The following LGR6 variants were observed in gnomAD, a reference collection of about 807,000 sequenced individuals.
LGR6 encodes the protein leucine rich repeat containing G protein-coupled receptor 6, also known as leucine-rich repeat-containing G protein-coupled receptor 6.
A neutral mutation model predicts 69.4 loss-of-function variants in LGR6; 45 were observed. The ratio of observed to expected loss-of-function variants is 0.65; its 90% CI spans 0.51 to 0.83. The LOEUF is 0.83. LGR6 is among the 40% of genes least tolerant of loss of function. The pLI is 0.00. For missense variants in LGR6, 1,108 were observed against 1,246.7 expected (o/e 0.89, Z 1.68); for synonymous variants, 538 against 555.0 (o/e 0.97, Z 0.43).
At chr1:202,194,670 G>A (rs541725418) in intron 1 of LGR6, 169 of 435,786 alleles carry the variant, frequency 3.9e-4, no homozygotes, top group South Asian at 2.8e-3. Context: ...GGACAACAGG[G>A]CTGTCACACT....
chr1:202,319,312 A>T lies in LGR6; in HGVS notation c.*105A>T. ...AATACAACCAAAACTCAGCAGTGTG[A>T]TCTATAGCAGGATGGCCCAGTCCCT... On this transcript the variant is annotated 3_prime_UTR_variant, in exon 18 of 18. Transcript: ENST00000367278. The T allele has an allele frequency of 1.6e-6, 2 of 1,279,730 alleles. No individual in the cohort carries two copies. Among genetic ancestry groups the T allele is most frequent in the South Asian group, 1.6e-5 (1 of 64,430 alleles). The allele number at this position is 1,279,730 out of a possible 1,614,324, so 79.3% of individuals were successfully genotyped here.
intron 1 of LGR6, among the ~76,000 whole-genome samples, chr1:202,221,595 T>C (rs1269852808): frequency 6.6e-6 from 1 of 152,128 alleles, no homozygotes; most frequent in African/African-American, 2.4e-5. Context: ...GGAAGAAGGC[T>C]TCAGGATGGA....
chr1:202,202,679 C>T (rs374407715), intron 1 of LGR6, among the ~76,000 whole-genome samples: 4 of 152,236 alleles, frequency 2.6e-5, no homozygotes, highest in African/African-American at 9.6e-5. Flanking sequence ...TCTATCTAGT[C>T]TCCCCTTGAG....
At chr1:202,225,339 C>A in intron 1 of LGR6, 84 bp from the exon 2 acceptor site, 1 of 1,276,886 alleles carries the variant, frequency 7.8e-7, no homozygotes, top group Non-Finnish European at 1.1e-6. Flanking sequence ...CTCGGAGGTC[C>A]CTCGAGGGGG....
chr1:202,287,185 A>G (rs540610086), intron 6 of LGR6, among the ~76,000 whole-genome samples: 2 of 152,264 alleles, frequency 1.3e-5, no homozygotes, highest in East Asian at 1.9e-4. Context: ...CTGTTTCTTT[A>G]TATTCACTCA....
chr1:202,207,395 G>A (rs1659292964), intron 1 of LGR6, among the ~76,000 whole-genome samples: 1 of 152,188 alleles, frequency 6.6e-6, no homozygotes, highest in Non-Finnish European at 1.5e-5. Context: ...GGTTGGAGGT[G>A]CTTCTTGGCC....
intron 4 of LGR6, among the ~76,000 whole-genome samples, chr1:202,270,946 C>T (rs918962682): frequency 3.0e-4 from 45 of 152,128 alleles, no homozygotes; most frequent in Non-Finnish European, 3.4e-4. Flanking sequence ...GTTTGGCCCT[C>T]GACAGGTTAA....
chr1:202,210,322 C>CCT (rs927397286), intron 1 of LGR6, among the ~76,000 whole-genome samples: 5 of 151,826 alleles, frequency 3.3e-5, no homozygotes, highest in African/African-American at 1.2e-4. Flanking sequence ...TGGCCCAAGC[C>CCT]CTCTGCACAT....
In LGR6 at chr1:202,307,298, G is replaced by A. The variant is rs769873765; in HGVS notation, c.1209-32G>A. ...AACAGTGAGTCCTCCACATGTTACT[G>A]TCCCCTCCTGTCACACCCTCTCTGC... On this transcript the variant is annotated intron_variant, in intron 13 of 17. Transcript: ENST00000367278. 3.7e-6 allele frequency: 6 copies of A among 1,605,818 alleles called. No homozygotes were observed. The African/African-American group carries it at 5.4e-5, about 14-fold the overall frequency.
At chr1:202,215,134 G>C (rs1439669670) in intron 1 of LGR6, among the ~76,000 whole-genome samples, 1 of 148,944 alleles carries the variant, frequency 6.7e-6, no homozygotes, top group Admixed American at 6.7e-5. Flanking sequence ...GGTGGTGAGG[G>C]TGGGACTCTG....
intron 1 of LGR6, among the ~76,000 whole-genome samples, chr1:202,204,458 C>T (rs1345180311): frequency 5.5e-5 from 6 of 109,644 alleles, no homozygotes; most frequent in Admixed American, 9.0e-5. Context: ...CACACACACA[C>T]ACCTCCACAC....
chr1:202,299,302 A>T (rs545253986), intron 7 of LGR6, among the ~76,000 whole-genome samples: 1 of 151,686 alleles, frequency 6.6e-6, no homozygotes, highest in East Asian at 1.9e-4. Flanking sequence ...AACTATTGGA[A>T]TTTCTCCATT....
Position 202,310,255 on chromosome 1 carries a change from T to G in LGR6, c.1465T>G (p.Phe489Val). 1 of 1,614,156 alleles carries G rather than the reference T, an allele frequency of 6.2e-7. No homozygotes were observed. The highest frequency in any genetic ancestry group is 1.7e-5 in the Admixed American group (1 of 60,024). The change falls in exon 16 of 18, where the codon TTC becomes GTC. Residue 489 changes from phenylalanine (F) to valine (V), a missense_variant. Transcript: ENST00000367278. ...CCPYGMCASF[F>V]KASGQWEAED... ...TCCCTATGGGATGTGTGCCAGCTTC[T>G]TCAAGGCCTCTGGGCAGTGGGAGGC...
At chr1:202,241,471 CTGTT>C (rs1341079960) in intron 4 of LGR6, among the ~76,000 whole-genome samples, 1 of 152,222 alleles carries the variant, frequency 6.6e-6, no homozygotes, top group East Asian at 1.9e-4. Flanking sequence ...GGTACACAAA[CTGTT>C]TGGCTTGGCA....
chr1:202,292,993 A>T (rs1171216124), intron 6 of LGR6, among the ~76,000 whole-genome samples: 1 of 152,156 alleles, frequency 6.6e-6, no homozygotes, highest in Non-Finnish European at 1.5e-5. Flanking sequence ...GACTAATTTA[A>T]TCTCTCTGTG....
chr1:202,251,001 G>A (rs971101312), intron 4 of LGR6, among the ~76,000 whole-genome samples: 2 of 152,184 alleles, frequency 1.3e-5, no homozygotes, highest in South Asian at 4.1e-4. Context: ...GGACCTGGGG[G>A]AGAAGGGCCC....
chr1:202,278,407 G>C (rs894903352), intron 5 of LGR6, among the ~76,000 whole-genome samples: 1 of 152,142 alleles, frequency 6.6e-6, no homozygotes, highest in African/African-American at 2.4e-5. Context: ...GCCTGTTATA[G>C]ATCTAGGAGA....
chr1:202,271,546 C>T (rs1364339376), intron 4 of LGR6, among the ~76,000 whole-genome samples: 11 of 152,084 alleles, frequency 7.2e-5, no homozygotes, highest in African/African-American at 2.7e-4. Context: ...GTGGCTCACA[C>T]CTGTAATCCC....
rs764058834 is a variant in LGR6 at position 202,310,261 on chromosome 1, G to C, written c.1471G>C (p.Ala491Pro). 6.8e-6 allele frequency: 11 copies of C among 1,614,138 alleles called. No individual in the cohort carries two copies. Among genetic ancestry groups the C allele is most frequent in the African/African-American group, 1.3e-5 (1 of 75,018 alleles). Residue 491 changes from alanine (A) to proline (P), a missense_variant, in exon 16 of 18, where the codon GCC becomes CCC. Transcript: ENST00000367278. ...TGGGATGTGTGCCAGCTTCTTCAAG[G>C]CCTCTGGGCAGTGGGAGGCTGAAGA... ...PYGMCASFFK[A>P]SGQWEAEDLH... is the part of the protein sequence containing the mutation.
Sources: allele counts gnomAD v4.1 joint callset (sites outside exome capture counted in the v4.1 genomes callset), GRCh38; gene constraint gnomAD v4.1.1; transcripts MANE v1.5; gene names NCBI Gene and HGNC (gene_info 2026-07-23, HGNC 2026-07-21).